Variants in SLC6A6 observed in about 807,000 individuals in gnomAD.
The protein encoded by SLC6A6 is solute carrier family 6 member 6, also known as sodium- and chloride-dependent taurine transporter.
SLC6A6 carries 16 observed loss-of-function variants against 68.8 expected under a neutral mutation model. The observed-to-expected ratio is 0.23, with a 90% CI of 0.16 to 0.35. The LOEUF (loss-of-function observed/expected upper bound fraction) is 0.35. SLC6A6 is among the 10% of genes least tolerant of loss of function. The pLI, the probability that SLC6A6 is intolerant of heterozygous loss-of-function variation, is 1.00. For synonymous variants in SLC6A6, 312 were observed against 315.4 expected, an observed-to-expected ratio of 0.99 and a Z score of 0.12; for missense variants, 474 against 802.8, an observed-to-expected ratio of 0.59 and a Z score of 4.95.
chr3:14,440,636 G>T (rs1196102692), intron 2 of SLC6A6, among the ~76,000 whole-genome samples: 1 of 152,212 alleles, frequency 6.6e-6, no homozygotes, highest in African/African-American at 2.4e-5. Context: ...CAGAGTAGCA[G>T]CAGGGAGACC....
intron 2 of SLC6A6, among the ~76,000 whole-genome samples, chr3:14,432,365 GGCTGCTAGCGAA>G (rs1699744870): frequency 6.6e-6 from 1 of 151,744 alleles, no homozygotes; most frequent in Admixed American, 6.6e-5. Context: ...CTGAGGGCTG[GGCTGCTAGCGAA>G]GCTGACAGCA....
chr3:14,406,641 AGTCCTG>A (rs2124890747), intron 1 of SLC6A6, among the ~76,000 whole-genome samples: 2 of 152,318 alleles, frequency 1.3e-5, no homozygotes, highest in East Asian at 3.9e-4. Flanking sequence ...GAGTTATGCC[AGTCCTG>A]GACAGGTCTG....
Position 14,485,515 on chromosome 3 carries a change from T to C in SLC6A6, c.*508T>C, listed in dbSNP as rs1244599571. On this transcript the variant is annotated 3_prime_UTR_variant, in exon 15 of 15. Transcript: ENST00000622186. Reference sequence around the variant, plus strand: ...TACACCCATCTTAAGGTGGTATACCTTCCAAATCCTGGTTCAGATGGAAGA... The same window carrying C: ...TACACCCATCTTAAGGTGGTATACCCTCCAAATCCTGGTTCAGATGGAAGA... 1 of 152,760 alleles carries C rather than the reference T, an allele frequency of 6.5e-6. No individual in the cohort carries two copies. The highest frequency in any genetic ancestry group is 1.5e-5 in the Non-Finnish European group (1 of 68,192). The allele number at this position is 152,760 out of a possible 1,614,324, so 9.5% of individuals were successfully genotyped here. A position where few individuals can be genotyped will look rare whatever the true frequency, so the allele number is the denominator to read the frequency against.
At position 14,402,793 on chromosome 3, in the gene SLC6A6, C is replaced by T. The variant is rs1398448146; in HGVS notation, c.-108C>T. 4.3e-5 allele frequency: 17 copies of T among 397,856 alleles called. No homozygotes were observed. Among genetic ancestry groups the T allele is most frequent in the Non-Finnish European group, 7.5e-5 (17 of 225,636 alleles). The allele number at this position is 397,856 out of a possible 1,614,324, so 24.6% of individuals were successfully genotyped here. ...GAGCGAGCGGGCAGGCAGCCCCCGG[C>T]CGGCGGAACCCGGCACAGCCGAGCA... On this transcript the variant is annotated 5_prime_UTR_variant, in exon 1 of 15. Coordinates refer to ENST00000622186, the MANE Select transcript of SLC6A6 (RefSeq NM_003043.6). This position sits in a 1 kb window ranked among gnomAD's most constrained non-coding sequence, Gnocchi z 4.8.
chr3:14,437,517 T>C (rs1382486785), intron 2 of SLC6A6, among the ~76,000 whole-genome samples: 1 of 152,218 alleles, frequency 6.6e-6, no homozygotes, highest in Non-Finnish European at 1.5e-5. Flanking sequence ...ATTTATGGTG[T>C]ATAACATGAT....
chr3:14,451,260 G>C (rs1165451792), intron 5 of SLC6A6, among the ~76,000 whole-genome samples: 1 of 152,194 alleles, frequency 6.6e-6, no homozygotes, highest in Non-Finnish European at 1.5e-5. Flanking sequence ...TTAGTTCCAT[G>C]TCTTCATCCA....
intron 1 of SLC6A6, among the ~76,000 whole-genome samples, chr3:14,405,289 G>A: frequency 6.6e-6 from 1 of 152,160 alleles, no homozygotes; most frequent in East Asian, 1.9e-4. Context: ...TTCTGCTGCA[G>A]GGGTCAGCCC....
intron 10 of SLC6A6, among the ~76,000 whole-genome samples, chr3:14,475,458 C>CT (rs1700855182): frequency 6.6e-6 from 1 of 152,228 alleles, no homozygotes; most frequent in Non-Finnish European, 1.5e-5. Context: ...CAGATTTACT[C>CT]TAATAATTTC....
intron 13 of SLC6A6, among the ~76,000 whole-genome samples, chr3:14,479,813 G>A (rs947008524): frequency 1.3e-5 from 2 of 152,170 alleles, no homozygotes; most frequent in Non-Finnish European, 2.9e-5. Flanking sequence ...CTTCATGGTC[G>A]CACTCCAGGG....
chr3:14,482,729 C>T (rs1363738410), intron 14 of SLC6A6, among the ~76,000 whole-genome samples: 7 of 152,042 alleles, frequency 4.6e-5, no homozygotes, highest in African/African-American at 1.7e-4. Context: ...AGGAGGAAAT[C>T]CTTGAAACTG....
chr3:14,464,170 T>C (rs1469096680), intron 6 of SLC6A6, among the ~76,000 whole-genome samples: 2 of 151,982 alleles, frequency 1.3e-5, no homozygotes, highest in Non-Finnish European at 2.9e-5. Context: ...TTCCTGGAGG[T>C]CTCATGGCAA....
intron 6 of SLC6A6, among the ~76,000 whole-genome samples, chr3:14,465,015 C>A (rs866161245): frequency 6.6e-6 from 1 of 152,222 alleles, no homozygotes; most frequent in Non-Finnish European, 1.5e-5. Flanking sequence ...GCCCACCAAG[C>A]CTCAGTTTCT....
chr3:14,473,379 T>C (rs1226338933), intron 10 of SLC6A6, among the ~76,000 whole-genome samples: 2 of 152,100 alleles, frequency 1.3e-5, no homozygotes, highest in Non-Finnish European at 2.9e-5. Context: ...AGTCTGGGTC[T>C]GGAGGTCTGA....
intron 3 of SLC6A6, 74 bp downstream of exon 3, chr3:14,443,937 C>T (rs113583753): frequency 1.6e-5 from 17 of 1,049,212 alleles, no homozygotes; most frequent in East Asian, 7.3e-5. Flanking sequence ...GGGACCAGAG[C>T]GTGGGTGGCC....
At chr3:14,476,318 A>G (rs1217515796) in intron 10 of SLC6A6, among the ~76,000 whole-genome samples, 1 of 152,190 alleles carries the variant, frequency 6.6e-6, no homozygotes, top group Non-Finnish European at 1.5e-5. Flanking sequence ...CACAGGGTGG[A>G]GTTTTATCAA....
chr3:14,461,731 C>T (rs1442935104), intron 6 of SLC6A6, among the ~76,000 whole-genome samples: 1 of 152,222 alleles, frequency 6.6e-6, no homozygotes, highest in Non-Finnish European at 1.5e-5. Flanking sequence ...ACTTTCTCAG[C>T]CTCACCTTCC....
At chr3:14,446,650 A>C (rs1700127990) in intron 4 of SLC6A6, among the ~76,000 whole-genome samples, 1 of 151,644 alleles carries the variant, frequency 6.6e-6, no homozygotes, top group Non-Finnish European at 1.5e-5. Flanking sequence ...AGTCTCATTA[A>C]CTCCCCTTGA....
Position 14,443,815 on chromosome 3 carries a change from T to C in SLC6A6, c.181T>C (p.Leu61=). ...VLSVAGGFVG[L]GNVWRFPYLC... is the part of the protein sequence containing the mutation. ...CTCTGTGGCTGGCGGCTTCGTGGGC[T>C]TGGGCAACGTCTGGCGCTTCCCGTA... Residue 61 remains leucine, a synonymous_variant, in exon 3 of 15, where the codon TTG becomes CTG. Transcript: ENST00000622186. The C allele has an allele frequency of 6.2e-7, 1 of 1,614,134 alleles. No homozygotes were observed. The highest frequency in any genetic ancestry group is 8.5e-7 in the Non-Finnish European group (1 of 1,179,982).
At chr3:14,420,422 G>A (rs1461320325) in intron 2 of SLC6A6, among the ~76,000 whole-genome samples, 2 of 150,236 alleles carry the variant, frequency 1.3e-5, no homozygotes, top group Non-Finnish European at 3.0e-5. Flanking sequence ...CTAAAGCAGT[G>A]TTTATTTAAT....
Sources: allele counts gnomAD v4.1 joint callset (sites outside exome capture counted in the v4.1 genomes callset), GRCh38; gene constraint gnomAD v4.1.1; non-coding constraint Gnocchi (gnomAD v3.1); transcripts MANE v1.5; gene names NCBI Gene and HGNC (gene_info 2026-07-23, HGNC 2026-07-21).